CFTR: variants seen among roughly 807,000 people sequenced by gnomAD.
CFTR encodes cystic fibrosis transmembrane conductance regulator.
A neutral mutation model predicts 171.6 loss-of-function variants in CFTR; 181 were observed. That is an observed-to-expected ratio of 1.05 (90% confidence interval 0.93 to 1.19). The LOEUF is 1.19. Ranked by LOEUF, CFTR falls within the 50% of genes most tolerant of loss-of-function variation. The pLI, the probability that CFTR is intolerant of heterozygous loss-of-function variation, is 0.00. For synonymous variants in CFTR, 583 were observed against 608.0 expected (o/e 0.96, Z 0.60); for missense variants, 1,968 against 1,734.7 (o/e 1.13, Z -2.39).
chr7:117,620,726 C>T (rs993939707), intron 21 of CFTR, among the ~76,000 whole-genome samples: 15 of 152,152 alleles, frequency 9.9e-5, no homozygotes, highest in African/African-American at 3.4e-4. Flanking sequence ...CATTTTACTT[C>T]CAGGGTTTAG....
rs779120165 is a variant in CFTR, at chr7:117,540,102, C to T, written c.872C>T (p.Thr291Ile). Residue 291 changes from threonine (T) to isoleucine (I), a missense_variant and splice_region_variant, in exon 8 of 27, where the codon ACA becomes ATA. By Grantham distance (89) the Thr-to-Ile change is moderately conservative. Coordinates refer to ENST00000003084, the MANE Select transcript of CFTR (RefSeq NM_000492.4). ...MEKMIENLRQ[T>I]ELKLTRKAAY... ...TTTATTGTTATTGTTTTTTATAGAA[C>T]AGAACTGAAACTGACTCGGAAGGCA... 2 of 1,611,228 alleles carry T rather than the reference C, an allele frequency of 1.2e-6. No homozygotes were observed. The highest frequency in any genetic ancestry group is 2.2e-5 in the East Asian group (1 of 44,858).
intron 10 of CFTR, among the ~76,000 whole-genome samples, chr7:117,555,165 C>A (rs974074289): frequency 2.0e-5 from 3 of 151,850 alleles, no homozygotes; most frequent in Non-Finnish European, 2.9e-5. Context: ...GCCATGAATG[C>A]ATAAAATATA....
chr7:117,520,406 A>G (rs1459700000), intron 3 of CFTR, among the ~76,000 whole-genome samples: 1 of 151,612 alleles, frequency 6.6e-6, no homozygotes, highest in Non-Finnish European at 1.5e-5. Flanking sequence ...GTAAGCATGC[A>G]TCTATGTTTT....
intron 1 of CFTR, among the ~76,000 whole-genome samples, chr7:117,492,501 C>A (rs1798175957): frequency 6.6e-6 from 1 of 151,908 alleles, no homozygotes; most frequent in Admixed American, 6.6e-5. Flanking sequence ...TGCTCTGTTC[C>A]AGGCACTGAA....
At chr7:117,505,464 G>T (rs1198109682) in intron 2 of CFTR, among the ~76,000 whole-genome samples, 3 of 152,150 alleles carry the variant, frequency 2.0e-5, no homozygotes, top group Non-Finnish European at 4.4e-5. Flanking sequence ...ATGCCACCTG[G>T]TGGCATTTGC....
chr7:117,561,714 ACT>A (rs1791498635), intron 11 of CFTR, among the ~76,000 whole-genome samples: 2 of 152,164 alleles, frequency 1.3e-5, no homozygotes, highest in African/African-American at 4.8e-5. Flanking sequence ...TGAATCATAT[ACT>A]TCGGGAATTT....
At chr7:117,574,042 G>A (rs1791734344) in intron 11 of CFTR, among the ~76,000 whole-genome samples, 11 of 152,010 alleles carry the variant, frequency 7.2e-5, no homozygotes, top group Admixed American at 6.6e-4. Context: ...GCATCAAGTG[G>A]AATTAATTTT....
At chr7:117,490,312 T>TACACACACACACACACACAC in intron 1 of CFTR, among the ~76,000 whole-genome samples, 1 of 136,788 alleles carries the variant, frequency 7.3e-6, no homozygotes, top group Non-Finnish European at 1.6e-5. Flanking sequence ...GAACCAATGA[T>TACACACACACACACACACAC]ACACACACAC....
chr7:117,532,195 C>G (rs917166875), intron 4 of CFTR, among the ~76,000 whole-genome samples: 1 of 152,036 alleles, frequency 6.6e-6, no homozygotes, highest in Non-Finnish European at 1.5e-5. Context: ...TCAATCTGAA[C>G]ATTTTACGTA....
At chr7:117,497,577 G>A (rs191695642) in intron 1 of CFTR, among the ~76,000 whole-genome samples, 3 of 152,212 alleles carry the variant, frequency 2.0e-5, no homozygotes, top group Non-Finnish European at 2.9e-5. Context: ...TACAAGCTAG[G>A]GCTGTGTTTT....
chr7:117,529,779 C>G (rs1798829483), intron 3 of CFTR, among the ~76,000 whole-genome samples: 1 of 152,056 alleles, frequency 6.6e-6, no homozygotes, highest in African/African-American at 2.4e-5. Context: ...GACAAAAACC[C>G]CTCAAATTAA....
intron 20 of CFTR, among the ~76,000 whole-genome samples, chr7:117,612,045 A>ACG (rs1215929457): frequency 1.4e-5 from 1 of 73,342 alleles, no homozygotes; most frequent in African/African-American, 6.2e-5. Context: ...ATATATATAT[A>ACG]TATATATACA....
intron 1 of CFTR, among the ~76,000 whole-genome samples, chr7:117,492,920 A>T (rs966148152): frequency 1.3e-5 from 2 of 149,372 alleles, no homozygotes; most frequent in East Asian, 3.9e-4. Flanking sequence ...GGAAGTTACC[A>T]TTTTTTTTTT....
At chr7:117,650,549 A>T (rs973062843) in intron 23 of CFTR, among the ~76,000 whole-genome samples, 1 of 152,092 alleles carries the variant, frequency 6.6e-6, no homozygotes, top group Non-Finnish European at 1.5e-5. Flanking sequence ...ACTCTGTGTC[A>T]GTGTTGATGC....
chr7:117,506,103 C>T (rs1261728129), intron 2 of CFTR, among the ~76,000 whole-genome samples: 1 of 152,020 alleles, frequency 6.6e-6, no homozygotes, highest in African/African-American at 2.4e-5. Context: ...TGAATGAATC[C>T]ATGATGGAAT....
chr7:117,559,111 C>T (rs1362039189), intron 10 of CFTR, among the ~76,000 whole-genome samples: 1 of 152,172 alleles, frequency 6.6e-6, no homozygotes, highest in Non-Finnish European at 1.5e-5. Flanking sequence ...AGTTAAAGCA[C>T]ATAGAACAGC....
intron 12 of CFTR, among the ~76,000 whole-genome samples, chr7:117,589,905 A>G (rs76187530): frequency 0.016 from 2,379 of 152,130 alleles, 65 homozygotes; most frequent in African/African-American, 0.052. Context: ...CCAAAACCCA[A>G]CATCTTCAAG....
At position 117,666,954 on chromosome 7, in the gene CFTR, T is replaced by A. The variant is rs1793386184; in HGVS notation, c.4289T>A (p.Leu1430Gln). 1.2e-6 allele frequency: 2 copies of A among 1,614,044 alleles called. No individual in the cohort carries two copies. Among genetic ancestry groups the A allele is most frequent in the Non-Finnish European group, 1.7e-6 (2 of 1,179,990 alleles). Residue 1430 changes from leucine to glutamine, a missense_variant, in exon 27 of 27, where the codon CTG becomes CAG. By Grantham distance (113) the Leu-to-Gln change is moderately radical. Transcript: ENST00000003084. ...KVRQYDSIQK[L>Q]LNERSLFRQA... ...CGGCAGTACGATTCCATCCAGAAAC[T>A]GCTGAACGAGAGGAGCCTCTTCCGG...
At chr7:117,559,727 T>A in intron 11 of CFTR, 72 bp downstream of exon 11, 1 of 1,047,008 alleles carries the variant, frequency 9.6e-7, no homozygotes, top group Admixed American at 1.8e-5. Context: ...TATATTTGGC[T>A]CCATATTCAA....
Sources: allele counts gnomAD v4.1 joint callset (sites outside exome capture counted in the v4.1 genomes callset), GRCh38; gene constraint gnomAD v4.1.1; transcripts MANE v1.5; gene names NCBI Gene and HGNC (gene_info 2026-07-23, HGNC 2026-07-21).